Variants in DMD observed in about 807,000 individuals in gnomAD.
DMD encodes the protein dystrophin.
DMD carries 63 observed loss-of-function variants against 330.1 expected under a neutral mutation model. The observed-to-expected ratio is 0.19, with a 90% CI of 0.16 to 0.24. The LOEUF is 0.24. DMD is among the 10% of genes least tolerant of loss of function. The probability of loss-of-function intolerance (pLI) is 1.00; values close to 1 mark genes in which losing one functional copy is unlikely to be tolerated. For synonymous variants in DMD, 1,223 were observed against 959.8 expected, an observed-to-expected ratio of 1.27 and a Z score of -5.07; for missense variants, 3,344 against 2,684.1, an observed-to-expected ratio of 1.25 and a Z score of -5.43.
intron 13 of DMD, among the ~76,000 whole-genome samples, chrX:32,579,747 C>T (rs976006294): frequency 2.7e-5 from 3 of 112,963 alleles, no homozygotes; most frequent in African/African-American, 9.6e-5. Context: ...AATACTTGCA[C>T]TTCCAGATTA....
intron 61 of DMD, among the ~76,000 whole-genome samples, chrX:31,327,415 C>T (rs1011232091): frequency 5.4e-5 from 6 of 111,932 alleles, no homozygotes; most frequent in African/African-American, 1.6e-4. Context: ...TTATTTCAGC[C>T]GTTTTTAAAT....
chrX:32,207,384 C>T (rs1357273511), intron 44 of DMD, among the ~76,000 whole-genome samples: 1 of 111,443 alleles, frequency 9.0e-6, no homozygotes, highest in Admixed American at 9.6e-5. Flanking sequence ...AGGCTGACAC[C>T]TTAATGTTAG....
At chrX:32,473,281 T>A (rs1474281242) in intron 21 of DMD, among the ~76,000 whole-genome samples, 1 of 110,833 alleles carries the variant, frequency 9.0e-6, no homozygotes, top group South Asian at 3.7e-4. Context: ...AAATAGAAAA[T>A]TACTAAATCT....
chrX:31,965,195 T>C (rs890736173), intron 45 of DMD, among the ~76,000 whole-genome samples: 3 of 111,486 alleles, frequency 2.7e-5, no homozygotes, highest in African/African-American at 6.5e-5. Flanking sequence ...AAAAGGAGTG[T>C]ATGAAGATAG....
intron 1 of DMD, among the ~76,000 whole-genome samples, chrX:33,158,100 TA>T (rs1445034066): frequency 8.9e-6 from 1 of 112,445 alleles, no homozygotes; most frequent in African/African-American, 3.2e-5. Context: ...ATTATTATAA[TA>T]AAAAGTCATT....
At chrX:32,649,057 T>C (rs763473591) in intron 9 of DMD, among the ~76,000 whole-genome samples, 1 of 111,121 alleles carries the variant, frequency 9.0e-6, no homozygotes, top group Admixed American at 9.6e-5. Context: ...TTCAGTACAT[T>C]GGGCAAATAA....
At chrX:32,536,064 A>C (rs2047927496) in intron 17 of DMD, among the ~76,000 whole-genome samples, 1 of 110,440 alleles carries the variant, frequency 9.1e-6, no homozygotes, top group South Asian at 3.9e-4. Flanking sequence ...CAACAGATCA[A>C]GCCCATCCTA....
chrX:31,313,538 C>T (rs926947032), intron 62 of DMD, among the ~76,000 whole-genome samples: 7 of 111,856 alleles, frequency 6.3e-5, no homozygotes, highest in East Asian at 5.6e-4. Context: ...TATTTTTATT[C>T]GTATAAATTT....
At chrX:33,276,513 G>A (rs1471902672) in intron 1 of DMD, among the ~76,000 whole-genome samples, 1 of 111,179 alleles carries the variant, frequency 9.0e-6, no homozygotes, top group Admixed American at 9.6e-5. Context: ...CAGAGAGCAC[G>A]AAACTAAGCT....
intron 2 of DMD, among the ~76,000 whole-genome samples, chrX:32,885,863 G>C (rs906386854): frequency 1.1e-4 from 11 of 102,781 alleles, no homozygotes; most frequent in Non-Finnish European, 2.0e-4. Context: ...TTCCTTTCAG[G>C]TAGTAGGCAC....
intron 37 of DMD, among the ~76,000 whole-genome samples, chrX:32,357,796 C>A (rs2097810454): frequency 9.0e-6 from 1 of 110,975 alleles, no homozygotes; most frequent in African/African-American, 3.3e-5. Flanking sequence ...CCATAATCTT[C>A]AGCCTTATCA....
At chrX:32,033,387 A>T (rs1201038511) in intron 44 of DMD, among the ~76,000 whole-genome samples, 1 of 110,395 alleles carries the variant, frequency 9.1e-6, no homozygotes, top group Non-Finnish European at 1.9e-5. Flanking sequence ...GTTAAATGTC[A>T]TTAACACAGT....
At chrX:31,782,242 C>T (rs948946875) in intron 50 of DMD, among the ~76,000 whole-genome samples, 2 of 111,048 alleles carry the variant, frequency 1.8e-5, no homozygotes, top group African/African-American at 6.5e-5. Flanking sequence ...CATTAAGAGC[C>T]ATAGTCTGTT....
At chrX:31,277,393 C>A (rs770880716) in intron 62 of DMD, among the ~76,000 whole-genome samples, 2 of 111,486 alleles carry the variant, frequency 1.8e-5, no homozygotes, top group African/African-American at 3.3e-5. Flanking sequence ...TTGGTTGTGG[C>A]CTTTGTAGAT....
intron 2 of DMD, among the ~76,000 whole-genome samples, chrX:32,942,728 T>C (rs2146833461): frequency 9.0e-6 from 1 of 111,556 alleles, no homozygotes; most frequent in South Asian, 3.7e-4. Flanking sequence ...TGTTTATATG[T>C]TTTCAATTTT....
intron 9 of DMD, among the ~76,000 whole-genome samples, chrX:32,646,077 G>C (rs376417631): frequency 9.0e-6 from 1 of 111,651 alleles, no homozygotes; most frequent in Non-Finnish European, 1.9e-5. Flanking sequence ...AGCGCTCTGC[G>C]TGGCTCTAAC....
chrX:31,984,468 T>C (rs972770036), intron 44 of DMD, among the ~76,000 whole-genome samples: 2 of 112,530 alleles, frequency 1.8e-5, no homozygotes, highest in African/African-American at 6.4e-5. Flanking sequence ...AGGTGAATGA[T>C]GCAATTGTGG....
In DMD at chrX:31,163,267, G is replaced by A. The variant is rs5927691; in HGVS notation, c.10553+6176C>T. On this transcript the variant is annotated intron_variant, in intron 74 of 78. Transcript: ENST00000357033. ...TGGGGTTTTCCCATGCTGTTTTTGT[G>A]ATAGTAACTCTCATGAGATCTGATG... Among the ~76,000 whole-genome samples the A allele has an allele frequency of 8.6e-3, 956 of 111,245 alleles. 7 individuals are homozygous for A. The highest frequency in any genetic ancestry group is 0.015 in the Non-Finnish European group (772 of 53,008).
At chrX:32,724,168 T>C (rs2066625712) in intron 7 of DMD, among the ~76,000 whole-genome samples, 1 of 112,316 alleles carries the variant, frequency 8.9e-6, no homozygotes, top group Non-Finnish European at 1.9e-5. Context: ...TTGGTCCAAC[T>C]GGAATGTATA....
Sources: gnomAD v4.1 joint callset for allele counts (sites outside exome capture counted in the v4.1 genomes callset) on GRCh38, gnomAD v4.1.1 for gene constraint, MANE v1.5 for transcripts, NCBI Gene and HGNC (gene_info 2026-07-23, HGNC 2026-07-21) for gene names.